ACSBG1: variants seen among roughly 807,000 people sequenced by gnomAD.
The protein encoded by ACSBG1 is long-chain-fatty-acid--CoA ligase ACSBG1.
In ACSBG1, 39 loss-of-function variants were observed where a neutral mutation model predicts 80.2. The observed-to-expected ratio is 0.49, with a 90% CI of 0.38 to 0.64. The LOEUF (loss-of-function observed/expected upper bound fraction) is 0.64, where lower values mean the gene tolerates loss of function less well. Among genes scored for constraint, ACSBG1 ranks in the 30% least tolerant of loss-of-function variants. The pLI is 0.00. For synonymous variants in ACSBG1, 392 were observed against 379.5 expected (o/e 1.03, Z -0.38); for missense variants, 828 against 966.4 (o/e 0.86, Z 1.90).
intron 2 of ACSBG1, among the ~76,000 whole-genome samples, chr15:78,199,248 T>G (rs766774785): frequency 1.3e-5 from 2 of 151,896 alleles, no homozygotes; most frequent in Non-Finnish European, 2.9e-5. Context: ...CCCAGCTAAT[T>G]TTTTTTGTAT....
intron 2 of ACSBG1, among the ~76,000 whole-genome samples, chr15:78,197,934 C>A (rs1237985962): frequency 6.6e-6 from 1 of 152,112 alleles, no homozygotes; most frequent in Non-Finnish European, 1.5e-5. Flanking sequence ...AGCTCACGCT[C>A]CTCTGTATTC....
intron 11 of ACSBG1, among the ~76,000 whole-genome samples, chr15:78,175,917 T>C (rs79494491): frequency 0.028 from 4,275 of 152,158 alleles, 158 homozygotes; most frequent in East Asian, 0.17. Context: ...CCTTTTCTCC[T>C]CACTACGGCC....
intron 2 of ACSBG1, among the ~76,000 whole-genome samples, chr15:78,197,318 G>A (rs1395008878): frequency 1.2e-4 from 19 of 152,094 alleles, no homozygotes; most frequent in Admixed American, 1.2e-3. Flanking sequence ...ATTGGATTGT[G>A]GGGATGTTTT....
Position 78,193,619 on chromosome 15 carries a change from C to T in ACSBG1, c.550G>A (p.Val184Ile), listed in dbSNP as rs202116812. The change falls in exon 5 of 14, where the codon GTC (valine) becomes ATC (isoleucine). Residue 184 changes from valine (V) to isoleucine (I), a missense_variant. Around this residue, in one of 3 missense-constraint regions of ACSBG1, gnomAD observed 356 missense variants for 363.5 expected, o/e 0.98. Transcript: ENST00000258873. ...AVGTVFAGGI[V>I]TGIYTTSSPE... ...GAGCTGGTGGTGTAGATGCCAGTGA[C>T]GATGCCACTGTAGGAGACCCAGGAA... 27 of 1,611,770 alleles carry T rather than the reference C, an allele frequency of 1.7e-5. No homozygotes were observed. In the East Asian group the frequency reaches 4.9e-4, roughly 29 times the overall value.
At chr15:78,205,386 A>G (rs1217097039) in intron 2 of ACSBG1, among the ~76,000 whole-genome samples, 1 of 152,118 alleles carries the variant, frequency 6.6e-6, no homozygotes, top group Non-Finnish European at 1.5e-5. Context: ...CCTGTGTACA[A>G]GACTCAAAGA....
At chr15:78,232,423 C>T (rs559303201) in intron 1 of ACSBG1, among the ~76,000 whole-genome samples, 63 of 152,302 alleles carry the variant, frequency 4.1e-4, no homozygotes, top group African/African-American at 1.5e-3. Context: ...CTCAAGTTTG[C>T]CTACTTTCCT....
intron 5 of ACSBG1, among the ~76,000 whole-genome samples, chr15:78,192,018 T>C (rs2075061520): frequency 6.6e-6 from 1 of 152,064 alleles, no homozygotes; most frequent in African/African-American, 2.4e-5. Context: ...GATCCAATAT[T>C]CCTGGTGTCC....
At chr15:78,217,259 C>G (rs2075319797) in intron 1 of ACSBG1, among the ~76,000 whole-genome samples, 1 of 152,204 alleles carries the variant, frequency 6.6e-6, no homozygotes, top group African/African-American at 2.4e-5. Flanking sequence ...CTTACACATG[C>G]AATCTTCGTA....
chr15:78,214,152 A>C (rs1595899700), intron 1 of ACSBG1, among the ~76,000 whole-genome samples: 1 of 151,840 alleles, frequency 6.6e-6, no homozygotes, highest in African/African-American at 2.4e-5. Context: ...TACCCCCTCC[A>C]CCCTCTACCT....
chr15:78,231,365 A>C (rs2075445870), intron 1 of ACSBG1, among the ~76,000 whole-genome samples: 1 of 151,838 alleles, frequency 6.6e-6, no homozygotes, highest in Admixed American at 6.6e-5. Flanking sequence ...TCCTGACCTC[A>C]GGTGATCTGC....
intron 11 of ACSBG1, among the ~76,000 whole-genome samples, chr15:78,176,893 A>C (rs1459389402): frequency 6.6e-6 from 1 of 152,164 alleles, no homozygotes; most frequent in Non-Finnish European, 1.5e-5. Flanking sequence ...ACGCCAGTGC[A>C]CTCCAGCCTG....
At chr15:78,179,164 G>C (rs1406333876) in intron 10 of ACSBG1, among the ~76,000 whole-genome samples, 3 of 152,054 alleles carry the variant, frequency 2.0e-5, no homozygotes, top group Non-Finnish European at 2.9e-5. Flanking sequence ...TAGGAGGCTG[G>C]CCTGGTCCCC....
rs778150048 is a variant in ACSBG1 at position 78,171,408 on chromosome 15, C to A, written c.*36G>T. Reference sequence around the variant, plus strand: ...TCAGGAAGAGGCTCGGAACGCCTGCCCTCTATTCTATAGAAACTGCAGGCA... The same window carrying A: ...TCAGGAAGAGGCTCGGAACGCCTGCACTCTATTCTATAGAAACTGCAGGCA... On this transcript the variant is annotated 3_prime_UTR_variant, in exon 14 of 14. Transcript: ENST00000258873. The A allele has an allele frequency of 1.5e-5, 24 of 1,571,460 alleles. No homozygotes were observed. Among genetic ancestry groups the A allele is most frequent in the Non-Finnish European group, 1.9e-5 (22 of 1,142,332 alleles).
chr15:78,192,540 C>G (rs952782392), intron 5 of ACSBG1, among the ~76,000 whole-genome samples: 1 of 152,222 alleles, frequency 6.6e-6, no homozygotes, highest in Non-Finnish European at 1.5e-5. Context: ...GGATGCCCTC[C>G]AAGAGGTTCT....
At chr15:78,186,199 C>T (rs1462116011) in intron 5 of ACSBG1, among the ~76,000 whole-genome samples, 1 of 151,562 alleles carries the variant, frequency 6.6e-6, no homozygotes, top group Non-Finnish European at 1.5e-5. Context: ...TTATCAGAGA[C>T]TAGGCTTAGA....
At chr15:78,212,822 G>T in intron 1 of ACSBG1, 1 of 291,558 alleles carries the variant, frequency 3.4e-6, no homozygotes, top group Non-Finnish European at 7.0e-6. Flanking sequence ...TGCTCCTGGG[G>T]TGGGACACCC....
intron 1 of ACSBG1, among the ~76,000 whole-genome samples, chr15:78,234,070 C>T (rs909454855): frequency 4.6e-5 from 7 of 152,214 alleles, no homozygotes; most frequent in Non-Finnish European, 1.0e-4. Context: ...GACAGGGAAA[C>T]ATTCTTGACT....
chr15:78,227,848 C>G (rs1347717220), intron 1 of ACSBG1, among the ~76,000 whole-genome samples: 1 of 152,232 alleles, frequency 6.6e-6, no homozygotes, highest in African/African-American at 2.4e-5. Flanking sequence ...ACTGATCAAT[C>G]TCACAAACAT....
At chr15:78,174,076 C>T (rs1439724528) in intron 12 of ACSBG1, among the ~76,000 whole-genome samples, 2 of 152,150 alleles carry the variant, frequency 1.3e-5, no homozygotes, top group South Asian at 2.1e-4. Context: ...AAAGCAGGGA[C>T]GGTAACTCCT....
Sources: allele counts gnomAD v4.1 joint callset (sites outside exome capture counted in the v4.1 genomes callset), GRCh38; gene constraint gnomAD v4.1.1; regional missense constraint gnomAD v4.1.1; transcripts MANE v1.5; gene names NCBI Gene and HGNC (gene_info 2026-07-23, HGNC 2026-07-21).